RABGAP1L: variants seen among roughly 807,000 people sequenced by gnomAD.
The protein encoded by RABGAP1L is RAB GTPase activating protein 1 like.
A neutral mutation model predicts 137.7 loss-of-function variants in RABGAP1L; 63 were observed. The ratio of observed to expected loss-of-function variants is 0.46; its 90% CI spans 0.37 to 0.56. RABGAP1L has a LOEUF of 0.56. Among genes scored for constraint, RABGAP1L ranks in the 20% least tolerant of loss-of-function variants. The pLI is 0.00. For synonymous variants in RABGAP1L, 431 were observed against 433.7 expected (o/e 0.99, Z 0.08); for missense variants, 1,095 against 1,244.0 (o/e 0.88, Z 1.80).
intron 19 of RABGAP1L, among the ~76,000 whole-genome samples, chr1:174,888,560 A>G (rs1237146070): frequency 2.6e-5 from 4 of 152,128 alleles, no homozygotes; most frequent in Non-Finnish European, 4.4e-5. Context: ...TTATTTTGGA[A>G]ACAGAATCTC....
chr1:174,528,026 C>T (rs1664060941), intron 13 of RABGAP1L, among the ~76,000 whole-genome samples: 1 of 147,062 alleles, frequency 6.8e-6, no homozygotes, highest in African/African-American at 2.5e-5. Flanking sequence ...TACTTTCATT[C>T]TATATGTGTC....
intron 19 of RABGAP1L, among the ~76,000 whole-genome samples, chr1:174,949,816 A>G (rs1247152437): frequency 6.6e-6 from 1 of 152,246 alleles, no homozygotes; most frequent in African/African-American, 2.4e-5. Flanking sequence ...ACAGGACTGA[A>G]GATGAGGAAT....
At chr1:174,321,446 T>C (rs1340669536) in intron 11 of RABGAP1L, among the ~76,000 whole-genome samples, 2 of 152,108 alleles carry the variant, frequency 1.3e-5, no homozygotes, top group Non-Finnish European at 1.5e-5. Context: ...TTGGGGGGCA[T>C]CATGGAAACT....
intron 13 of RABGAP1L, among the ~76,000 whole-genome samples, chr1:174,474,089 A>G (rs2149314466): frequency 1.3e-5 from 2 of 152,292 alleles, no homozygotes; most frequent in Middle Eastern, 6.8e-3. Context: ...ATTTTTTAAA[A>G]TTAATTTTAG....
At chr1:174,698,618 A>G (rs1408320968) in intron 15 of RABGAP1L, among the ~76,000 whole-genome samples, 6 of 152,192 alleles carry the variant, frequency 3.9e-5, no homozygotes, top group African/African-American at 1.4e-4. Flanking sequence ...TATCAATAGG[A>G]AACTTGTTAA....
At chr1:174,635,574 C>G (rs948985436) in intron 13 of RABGAP1L, among the ~76,000 whole-genome samples, 4 of 152,116 alleles carry the variant, frequency 2.6e-5, no homozygotes, top group African/African-American at 4.8e-5. Flanking sequence ...TCATTAGAAA[C>G]TACATTTACC....
intron 17 of RABGAP1L, among the ~76,000 whole-genome samples, chr1:174,731,610 ATTTTC>A (rs1682483439): frequency 1.3e-5 from 2 of 152,282 alleles, no homozygotes; most frequent in South Asian, 4.1e-4. Context: ...CAACTTGAGA[ATTTTC>A]TTTTCCTTGC....
At chr1:174,659,873 A>T (rs1201916255) in intron 14 of RABGAP1L, among the ~76,000 whole-genome samples, 6 of 152,184 alleles carry the variant, frequency 3.9e-5, no homozygotes, top group Non-Finnish European at 7.4e-5. Context: ...GTCTACAAAC[A>T]TTGAATCATC....
intron 13 of RABGAP1L, among the ~76,000 whole-genome samples, chr1:174,436,049 C>G (rs1194080237): frequency 1.3e-5 from 2 of 152,122 alleles, no homozygotes; most frequent in Non-Finnish European, 2.9e-5. Context: ...TTAATCTAGT[C>G]TATCATTGTT....
At chr1:174,884,678 A>G (rs1443182612) in intron 19 of RABGAP1L, among the ~76,000 whole-genome samples, 2 of 152,236 alleles carry the variant, frequency 1.3e-5, no homozygotes, top group African/African-American at 4.8e-5. Flanking sequence ...CGTGGACAGC[A>G]AAGTGTGTTC....
intron 11 of RABGAP1L, among the ~76,000 whole-genome samples, chr1:174,366,015 A>AT (rs147612579): frequency 0.09 from 13,641 of 151,196 alleles, 832 homozygotes; most frequent in East Asian, 0.22. Flanking sequence ...ATAAATTTTG[A>AT]TTTTTTTTTG....
At chr1:174,694,132 A>G (rs1250016017) in intron 15 of RABGAP1L, among the ~76,000 whole-genome samples, 1 of 152,334 alleles carries the variant, frequency 6.6e-6, no homozygotes, top group Non-Finnish European at 1.5e-5. Context: ...GTAATGTTAT[A>G]TGCAAATATA....
intron 13 of RABGAP1L, among the ~76,000 whole-genome samples, chr1:174,619,899 C>T (rs1045705811): frequency 5.3e-5 from 8 of 152,138 alleles, no homozygotes; most frequent in Admixed American, 4.6e-4. Flanking sequence ...AAACCCATCT[C>T]ACGTGCAGAG....
intron 13 of RABGAP1L, among the ~76,000 whole-genome samples, chr1:174,435,668 ATTATAC>A (rs1653183348): frequency 6.6e-6 from 1 of 151,386 alleles, no homozygotes; most frequent in Non-Finnish European, 1.5e-5. Flanking sequence ...TTTTATTATT[ATTATAC>A]TTTAAGTTTT....
chr1:174,934,387 G>A (rs190427081), intron 19 of RABGAP1L, among the ~76,000 whole-genome samples: 4 of 151,954 alleles, frequency 2.6e-5, no homozygotes, highest in East Asian at 1.9e-4. Flanking sequence ...ACGCCCGGCC[G>A]AAAGTTGTAC....
At chr1:174,696,444 C>T (rs1037865551) in intron 15 of RABGAP1L, among the ~76,000 whole-genome samples, 1 of 152,032 alleles carries the variant, frequency 6.6e-6, no homozygotes, top group Admixed American at 6.6e-5. Flanking sequence ...TTGTATGTAC[C>T]CCAAGTCCAC....
intron 13 of RABGAP1L, among the ~76,000 whole-genome samples, chr1:174,541,698 C>T (rs1014389379): frequency 2.0e-5 from 3 of 152,094 alleles, no homozygotes; most frequent in East Asian, 1.9e-4. Flanking sequence ...ATGGCATGAA[C>T]CCGGGAGGCG....
chr1:174,788,354 A>G (rs532930659), intron 18 of RABGAP1L, among the ~76,000 whole-genome samples: 12 of 152,254 alleles, frequency 7.9e-5, no homozygotes, highest in South Asian at 2.1e-4. Flanking sequence ...GCAGTTTTGT[A>G]TTAGTGAGTT....
At position 174,305,354 on chromosome 1, in the gene RABGAP1L, G is replaced by A. The variant is rs1197749148; in HGVS notation, c.1465+227G>A. 8.6e-5 allele frequency among the ~76,000 whole-genome samples: 13 copies of A among 151,998 alleles called. No individual in the cohort carries two copies. The South Asian group carries it at 2.5e-3, about 29-fold the overall frequency. Reference sequence around the variant, plus strand: ...TATTTAAATTTGACAGCATCACTTGGCTGCTGTTGTTTTCTATTTTATTTC... The same window carrying A: ...TATTTAAATTTGACAGCATCACTTGACTGCTGTTGTTTTCTATTTTATTTC... On this transcript the variant is annotated intron_variant, in intron 11 of 25. Coordinates refer to ENST00000681986, the MANE Select transcript of RABGAP1L (RefSeq NM_001366446.1).
Sources: gnomAD v4.1 joint callset for allele counts (sites outside exome capture counted in the v4.1 genomes callset) on GRCh38, gnomAD v4.1.1 for gene constraint, MANE v1.5 for transcripts, NCBI Gene and HGNC (gene_info 2026-07-23, HGNC 2026-07-21) for gene names.